Variants in MAP1A observed in about 807,000 individuals in gnomAD.
The protein encoded by MAP1A is microtubule associated protein 1A.
MAP1A carries 42 observed loss-of-function variants against 185.9 expected under a neutral mutation model. The observed-to-expected ratio is 0.23, with a 90% confidence interval of 0.18 to 0.29. The LOEUF is 0.29. MAP1A is among the 10% of genes least tolerant of loss of function. The pLI, the probability that MAP1A is intolerant of heterozygous loss-of-function variation, is 1.00. For missense variants in MAP1A, 2,995 were observed against 3,450.4 expected, an observed-to-expected ratio of 0.87 and a Z score of 3.31; for synonymous variants, 1,229 against 1,335.9, an observed-to-expected ratio of 0.92 and a Z score of 1.74.
intron 1 of MAP1A, among the ~76,000 whole-genome samples, chr15:43,519,001 G>A (rs1370034675): frequency 6.6e-6 from 1 of 152,118 alleles, no homozygotes; most frequent in East Asian, 1.9e-4. Flanking sequence ...GGAATGGTTG[G>A]GGGCAGGGAG....
chr15:43,522,624 C>T lies in MAP1A; in HGVS notation c.1151C>T (p.Ser384Leu). 6.2e-7 allele frequency: 1 copy of T among 1,612,526 alleles called. No individual in the cohort carries two copies. The highest frequency in any genetic ancestry group is 1.1e-5 in the South Asian group (1 of 90,884). The change falls in exon 4 of 6, where the codon TCA becomes TTA. Residue 384 changes from serine to leucine, a missense_variant. Transcript: ENST00000300231. This position sits in a 1 kb window ranked among gnomAD's most constrained non-coding sequence, Gnocchi z 5.9. ...AAGCCTGAGAGGGTGAAGACAGAGTCAAGTGAGGCACTGAAGGCAGAGAAG... is the reference window on the plus strand; with the variant it reads ...AAGCCTGAGAGGGTGAAGACAGAGTTAAGTGAGGCACTGAAGGCAGAGAAG... ...PAKPERVKTE[S>L]SEALKAEKRK...
chr15:43,528,539 G>A lies in MAP1A; in HGVS notation c.7066G>A (p.Asp2356Asn). The A allele has an allele frequency of 6.2e-7, 1 of 1,613,698 alleles. No homozygotes were observed. The highest frequency in any genetic ancestry group is 1.1e-5 in the South Asian group (1 of 91,086). ...AAGCCCCTTCCAGGTTCCCTCTGAGGATTGTGCAGCCAATGGCCCAACTGA... is the reference window on the plus strand; with the variant it reads ...AAGCCCCTTCCAGGTTCCCTCTGAGAATTGTGCAGCCAATGGCCCAACTGA... ...KPSPFQVPSE[D>N]CAANGPTETS... Residue 2356 changes from aspartate (D) to asparagine (N), a missense_variant, in exon 4 of 6, where the codon GAT becomes AAT. This residue lies in a region of MAP1A where 2,728 missense variants were observed against 2,986.0 expected (regional missense o/e 0.91). Transcript: ENST00000300231.
In MAP1A at chr15:43,527,821, A is replaced by G; in HGVS notation, c.6348A>G (p.Glu2116=). ...CAGAACTGGAGAAGGGGGCTCGGGA[A>G]CAGCCAGAAAAAGAGGCCCAATCCC... ...SDSELEKGAR[E]QPEKEAQSPS... Residue 2116 remains glutamate, a synonymous_variant, in exon 4 of 6, where the codon GAA becomes GAG. Transcript: ENST00000300231. 1 of 1,613,882 alleles carries G rather than the reference A, an allele frequency of 6.2e-7. No individual in the cohort carries two copies. Among genetic ancestry groups the G allele is most frequent in the Non-Finnish European group, 8.5e-7 (1 of 1,179,866 alleles).
At chr15:43,520,507 G>C in intron 1 of MAP1A, 134 bp from the exon 2 acceptor site, 2 of 673,966 alleles carry the variant, frequency 3.0e-6, no homozygotes, top group Non-Finnish European at 2.7e-6. Flanking sequence ...TTACTCAGCA[G>C]TATCCAAGGT....
chr15:43,516,320 GCTC>G (rs2079297127), upstream of MAP1A, among the ~76,000 whole-genome samples: 1 of 152,162 alleles, frequency 6.6e-6, no homozygotes, highest in Non-Finnish European at 1.5e-5. Flanking sequence ...TAGTGACTCA[GCTC>G]CTCCTCTCCT....
Position 43,522,829 on chromosome 15 carries a change from C to A in MAP1A, c.1356C>A (p.Thr452=). The A allele has an allele frequency of 6.3e-7, 1 of 1,594,132 alleles. No homozygotes were observed. The highest frequency in any genetic ancestry group is 8.6e-7 in the Non-Finnish European group (1 of 1,169,032). ...DAKKEEKRKD[T]KPELKKISKP... The stretch of plus-strand genomic sequence containing the variant: ...AGAAGGAGGAGAAGAGGAAAGATAC[C>A]AAACCTGAGCTCAAGAAGATTTCCA... The change falls in exon 4 of 6, where the codon ACC becomes ACA. Residue 452 remains threonine, a synonymous_variant. Transcript: ENST00000300231. This position sits in a 1 kb window ranked among gnomAD's most constrained non-coding sequence, Gnocchi z 5.9.
In MAP1A at chr15:43,526,672, C is replaced by T; in HGVS notation, c.5199C>T (p.Gly1733=). The T allele has an allele frequency of 3.7e-6, 6 of 1,614,024 alleles. No homozygotes were observed. The highest frequency in any genetic ancestry group is 3.4e-6 in the Non-Finnish European group (4 of 1,180,020). ...EERESTFLDE[G]PDDEQEVPLR... is the part of the protein sequence containing the mutation. ...GGGAAAGCACTTTCCTAGATGAGGG[C>T]CCAGATGATGAGCAAGAAGTACCCC... The change falls in exon 4 of 6, where the codon GGC becomes GGT. Residue 1733 remains glycine (G), a synonymous_variant. Coordinates refer to ENST00000300231, the MANE Select transcript of MAP1A (RefSeq NM_002373.6). This position sits in a 1 kb window ranked among gnomAD's most constrained non-coding sequence, Gnocchi z 4.7.
upstream of MAP1A, among the ~76,000 whole-genome samples, chr15:43,514,029 C>A (rs867139747): frequency 6.6e-6 from 1 of 152,170 alleles, no homozygotes; most frequent in Non-Finnish European, 1.5e-5. Flanking sequence ...AGTACTTAGC[C>A]ATTCTTCAGA....
In MAP1A at chr15:43,526,948, C is replaced by T. The variant is rs372304600; in HGVS notation, c.5475C>T (p.Leu1825=). Residue 1825 remains leucine (L), a synonymous_variant, in exon 4 of 6, where the codon CTC becomes CTT. Transcript: ENST00000300231. The surrounding 1 kb of genome is among the most constrained non-coding windows in gnomAD (Gnocchi z 4.7). ...GQESPIPDPK[L]MPHMKNEPTT... ...AGAGTCCTATCCCAGACCCTAAGCT[C>T]ATGCCACACATGAAGAATGAACCCA... 17 of 1,613,700 alleles carry T rather than the reference C, an allele frequency of 1.1e-5. No homozygotes were observed. The highest frequency in any genetic ancestry group is 1.3e-5 in the African/African-American group (1 of 74,888).
Position 43,525,890 on chromosome 15 carries a change from C to A in MAP1A, c.4417C>A (p.Pro1473Thr), listed in dbSNP as rs1168144009. The change falls in exon 4 of 6, where the codon CCA (proline) becomes ACA (threonine). Residue 1473 changes from proline (P) to threonine (T), a missense_variant. Around this residue, in one of 3 missense-constraint regions of MAP1A, gnomAD observed 2,728 missense variants for 2,986.0 expected, o/e 0.91. Transcript: ENST00000300231. ...ALEQKDKALE[P>T]KDKDLEQKDR... ...GGAACAGAAGGACAAGGCCCTGGAA[C>A]CAAAAGATAAAGACTTGGAACAAAA... 1 of 1,612,714 alleles carries A rather than the reference C, an allele frequency of 6.2e-7. No individual in the cohort carries two copies. The highest frequency in any genetic ancestry group is 1.7e-5 in the Admixed American group (1 of 59,874).
Position 43,523,600 on chromosome 15 carries a change from G to A in MAP1A, c.2127G>A (p.Lys709=). ...FGGRELGLQG[K]APEKETSLFL... is the part of the protein sequence containing the mutation. ...GTCGGGAATTGGGACTCCAGGGCAA[G>A]GCCCCTGAGAAGGAGACCTCGTTAT... Residue 709 remains lysine, a synonymous_variant, in exon 4 of 6, where the codon AAG becomes AAA. Coordinates refer to ENST00000300231, the MANE Select transcript of MAP1A (RefSeq NM_002373.6). 6.2e-7 allele frequency: 1 copy of A among 1,614,162 alleles called. No individual in the cohort carries two copies. Among genetic ancestry groups the A allele is most frequent in the Non-Finnish European group, 8.5e-7 (1 of 1,180,020 alleles).
Position 43,523,108 on chromosome 15 carries a change from G to T in MAP1A, c.1635G>T (p.Leu545Phe), listed in dbSNP as rs533854066. 3.7e-6 allele frequency: 6 copies of T among 1,614,158 alleles called. No individual in the cohort carries two copies. The African/African-American group carries it at 8.0e-5, about 22-fold the overall frequency. Residue 545 changes from leucine to phenylalanine, a missense_variant, in exon 4 of 6, where the codon TTG becomes TTT. By Grantham distance (22) the Leu-to-Phe change is conservative. This residue lies in a region of MAP1A where 2,728 missense variants were observed against 2,986.0 expected (regional missense o/e 0.91). Transcript: ENST00000300231. Reference protein sequence around the residue: ...FEEMKREERALLAEQRDTGLG... With the variant: ...FEEMKREERAFLAEQRDTGLG... ...AGATGAAGCGTGAGGAGAGGGCTTT[G>T]CTGGCTGAACAAAGGGACACAGGAC...
Position 43,523,109 on chromosome 15 carries a change from C to G in MAP1A, c.1636C>G (p.Leu546Val), listed in dbSNP as rs752584685. 3.1e-6 allele frequency: 5 copies of G among 1,614,144 alleles called. No individual in the cohort carries two copies. The South Asian group carries it at 5.5e-5, about 18-fold the overall frequency. Residue 546 changes from leucine (L) to valine (V), a missense_variant, in exon 4 of 6, where the codon CTG becomes GTG. Around this residue, in one of 3 missense-constraint regions of MAP1A, gnomAD observed 2,728 missense variants for 2,986.0 expected, o/e 0.91. Coordinates refer to ENST00000300231, the MANE Select transcript of MAP1A (RefSeq NM_002373.6). ...GATGAAGCGTGAGGAGAGGGCTTTG[C>G]TGGCTGAACAAAGGGACACAGGACT... ...EEMKREERAL[L>V]AEQRDTGLGD...
Position 43,522,782 on chromosome 15 carries a change from AAGG to A in MAP1A, c.1315_1317del (p.Glu439del), listed in dbSNP as rs1338248041. 3.2e-6 allele frequency: 5 copies of A among 1,568,832 alleles called. No homozygotes were observed. The highest frequency in any genetic ancestry group is 4.3e-6 in the Non-Finnish European group (5 of 1,155,128). The stretch of plus-strand genomic sequence containing the variant: ...AGAGCTCAAGAAGGATGAAGGAAGG[AAGG>A]AGGAGAAGAAGGATGCCAAGAAGGA... On this transcript the variant is annotated inframe_deletion, in exon 4 of 6. Transcript: ENST00000300231. This position sits in a 1 kb window ranked among gnomAD's most constrained non-coding sequence, Gnocchi z 5.9.
rs377346518 is a variant in MAP1A at position 43,521,975 on chromosome 15, C to A, written c.502C>A (p.Arg168Ser). The A allele has an allele frequency of 1.2e-6, 2 of 1,614,206 alleles. No homozygotes were observed. Among genetic ancestry groups the A allele is most frequent in the South Asian group, 2.2e-5 (2 of 91,090 alleles). ...EACLTLQHLN[R>S]LGIQAEPLYR... is the part of the protein sequence containing the mutation. Reference sequence around the variant, plus strand: ...CTGCCTCACTCTGCAGCACTTAAACCGCCTGGGCATCCAGGCTGAGCCTCT... The same window carrying A: ...CTGCCTCACTCTGCAGCACTTAAACAGCCTGGGCATCCAGGCTGAGCCTCT... The change falls in exon 4 of 6, where the codon CGC (arginine) becomes AGC (serine). Residue 168 changes from arginine to serine, a missense_variant. Physicochemically the swap from Arg to Ser is moderately radical, Grantham distance 110. This residue lies in a region of MAP1A where 264 missense variants were observed against 435.3 expected (regional missense o/e 0.61). Coordinates refer to ENST00000300231, the MANE Select transcript of MAP1A (RefSeq NM_002373.6). This position sits in a 1 kb window ranked among gnomAD's most constrained non-coding sequence, Gnocchi z 4.6.
At chr15:43,518,389 G>A (rs1236794404) in intron 1 of MAP1A, among the ~76,000 whole-genome samples, 4 of 151,942 alleles carry the variant, frequency 2.6e-5, no homozygotes, top group South Asian at 2.1e-4. Flanking sequence ...ATTTCCAGTC[G>A]TGTCAACCCC....
At chr15:43,510,987 C>G (rs1295266115) in exon 1 of MAP1A, 2 of 1,539,272 alleles carry the variant, frequency 1.3e-6, no homozygotes, top group Non-Finnish European at 1.8e-6. Context: ...GCGGGTGTTT[C>G]CATGGAGACC....
Position 43,523,811 on chromosome 15 carries a change from G to A in MAP1A, c.2338G>A (p.Gly780Ser). 2 of 1,614,076 alleles carry A rather than the reference G, an allele frequency of 1.2e-6. No homozygotes were observed. The highest frequency in any genetic ancestry group is 1.1e-5 in the South Asian group (1 of 91,076). The change falls in exon 4 of 6, where the codon GGT becomes AGT. Residue 780 changes from glycine (G) to serine (S), a missense_variant. Physicochemically the swap from Gly to Ser is moderately conservative, Grantham distance 56. Coordinates refer to ENST00000300231, the MANE Select transcript of MAP1A (RefSeq NM_002373.6). ...TSTYDLPGPE[G>S]AGPFEASQPA... ...TACATATGACCTGCCCGGGCCTGAAGGTGCTGGCCCATTCGAAGCCAGCCA... is the reference window on the plus strand; with the variant it reads ...TACATATGACCTGCCCGGGCCTGAAAGTGCTGGCCCATTCGAAGCCAGCCA...
rs569936091 is a variant in MAP1A, at chr15:43,523,304, G to C, written c.1831G>C (p.Asp611His). 1.2e-5 allele frequency: 20 copies of C among 1,612,452 alleles called. No homozygotes were observed. In the South Asian group the frequency reaches 2.0e-4, roughly 16 times the overall value. ...EEQGSKDRGL[D>H]SGAETEEEKD... Reference sequence around the variant, plus strand: ...ACAAGGCAGCAAGGACAGAGGCCTAGACTCTGGGGCTGAAACAGAGGAAGA... The same window carrying C: ...ACAAGGCAGCAAGGACAGAGGCCTACACTCTGGGGCTGAAACAGAGGAAGA... The change falls in exon 4 of 6, where the codon GAC (aspartate) becomes CAC (histidine). Residue 611 changes from aspartate to histidine, a missense_variant. By Grantham distance (81) the Asp-to-His change is moderately conservative. This residue lies in a region of MAP1A where 2,728 missense variants were observed against 2,986.0 expected (regional missense o/e 0.91). Coordinates refer to ENST00000300231, the MANE Select transcript of MAP1A (RefSeq NM_002373.6).
Sources: gnomAD v4.1 joint callset for allele counts (sites outside exome capture counted in the v4.1 genomes callset) on GRCh38, gnomAD v4.1.1 for gene constraint, gnomAD v4.1.1 regional missense constraint, Gnocchi (gnomAD v3.1) non-coding constraint, MANE v1.5 for transcripts, NCBI Gene and HGNC (gene_info 2026-07-23, HGNC 2026-07-21) for gene names.